Variants in PCDHGB1 observed in about 807,000 individuals in gnomAD.
PCDHGB1 encodes the protein protocadherin gamma-B1.
Under a neutral mutation model 56.6 loss-of-function variants are expected in PCDHGB1, and 34 were observed. That is an observed-to-expected ratio of 0.60 (90% CI 0.46 to 0.80). The LOEUF is 0.80. Ranked by LOEUF, PCDHGB1 falls within the 30% of genes least tolerant of loss-of-function variation. The pLI is 0.00. For missense variants in PCDHGB1, 1,278 were observed against 1,204.6 expected, an observed-to-expected ratio of 1.06 and a Z score of -0.90; for synonymous variants, 561 against 505.9, an observed-to-expected ratio of 1.11 and a Z score of -1.46.
chr5:141,383,537 C>G, intron 1 of PCDHGB1: 2 of 1,612,570 alleles, frequency 1.2e-6, no homozygotes, highest in Non-Finnish European at 1.7e-6. Context: ...CTGGTCCTCA[C>G]AGCCTCTGAT....
chr5:141,401,467 G>A (rs1248119954), intron 1 of PCDHGB1, among the ~76,000 whole-genome samples: 1 of 152,196 alleles, frequency 6.6e-6, no homozygotes, highest in Non-Finnish European at 1.5e-5. Context: ...AATTTTCTAA[G>A]TTTATCCAGG....
rs370704205 is a variant in PCDHGB1, at chr5:141,422,166, T to C, written c.2409+69497T>C. 4.5e-6 allele frequency: 7 copies of C among 1,569,374 alleles called. No individual in the cohort carries two copies. In the South Asian group the frequency reaches 8.5e-5, roughly 19 times the overall value. ...GGGGGTCTCTGGATTTTGAAAAATA[T>C]AGATTCTATGAGATGGAAATTCAAG... On this transcript the variant is annotated intron_variant, in intron 1 of 3. Coordinates refer to ENST00000523390, the MANE Select transcript of PCDHGB1 (RefSeq NM_018922.3).
rs1394490963 is a variant in PCDHGB1 at position 141,393,307 on chromosome 5, A to G, written c.2409+40638A>G. On this transcript the variant is annotated intron_variant, in intron 1 of 3. Coordinates refer to ENST00000523390, the MANE Select transcript of PCDHGB1 (RefSeq NM_018922.3). ...GCTGTTGACCCGGATGTGGGCGTGAACTCCCTCCAGAGCTACCAGCTCAGC... is the reference window on the plus strand; with the variant it reads ...GCTGTTGACCCGGATGTGGGCGTGAGCTCCCTCCAGAGCTACCAGCTCAGC... 4 of 1,613,476 alleles carry G rather than the reference A, an allele frequency of 2.5e-6. No homozygotes were observed. The highest frequency in any genetic ancestry group is 3.3e-5 in the Admixed American group (2 of 59,966).
chr5:141,454,740 G>GAGGCC (rs2098797560), intron 1 of PCDHGB1, among the ~76,000 whole-genome samples: 1 of 147,160 alleles, frequency 6.8e-6, no homozygotes, highest in Non-Finnish European at 1.5e-5. Flanking sequence ...AGGATGAAAA[G>GAGGCC]AGGCCAAACT....
chr5:141,484,549 G>A (rs939394402), intron 1 of PCDHGB1, among the ~76,000 whole-genome samples: 1 of 152,162 alleles, frequency 6.6e-6, no homozygotes, highest in African/African-American at 2.4e-5. Context: ...GTTCTAATTA[G>A]CAGTTGCTCC....
intron 1 of PCDHGB1, chr5:141,418,639 C>T (rs2096276711): frequency 6.2e-7 from 1 of 1,614,014 alleles, no homozygotes; most frequent in Non-Finnish European, 8.5e-7. Flanking sequence ...CAGGCACCTC[C>T]ATCCTGAGAG....
rs747077639 is a variant in PCDHGB1, at chr5:141,432,371, G to C, written c.2410-62436G>C. 2 of 1,614,234 alleles carry C rather than the reference G, an allele frequency of 1.2e-6. No individual in the cohort carries two copies. The highest frequency in any genetic ancestry group is 1.6e-4 in the Middle Eastern group (1 of 6,062). ...AGTGAAAGTGATGGCGCGGGACAAC[G>C]GGCACCCGCCCCTCAGCAGCAACGT... On this transcript the variant is annotated intron_variant, in intron 1 of 3. Transcript: ENST00000523390. The surrounding 1 kb of genome is among the most constrained non-coding windows in gnomAD (Gnocchi z 6.0).
At chr5:141,394,359 G>A in intron 1 of PCDHGB1, 3 of 1,614,204 alleles carry the variant, frequency 1.9e-6, no homozygotes, top group Non-Finnish European at 2.5e-6. Context: ...TGTCCTGTAT[G>A]CGCTGCAATC....
In PCDHGB1 at chr5:141,485,609, G is replaced by A. The variant is rs1432367043; in HGVS notation, c.2410-9198G>A. The A allele has an allele frequency of 6.2e-7, 1 of 1,612,252 alleles. No homozygotes were observed. Among genetic ancestry groups the A allele is most frequent in the Non-Finnish European group, 8.5e-7 (1 of 1,178,656 alleles). On this transcript the variant is annotated intron_variant, in intron 1 of 3. Transcript: ENST00000523390. This position sits in a 1 kb window ranked among gnomAD's most constrained non-coding sequence, Gnocchi z 5.7. ...GCTGGACTTGGAAATTGGGGAGGCA[G>A]CTCCTCCAGGACAGCGTTTCCCGTT...
In PCDHGB1 at chr5:141,427,784, G is replaced by A. The variant is rs750188824; in HGVS notation, c.2410-67023G>A. 6.8e-6 allele frequency: 10 copies of A among 1,470,180 alleles called. No homozygotes were observed. The Admixed American group carries it at 1.3e-4, about 20-fold the overall frequency. 91.1% of individuals were successfully genotyped at this position (1,470,180 alleles called of 1,614,324 possible). Reference sequence around the variant, plus strand: ...CTGACTTGGAGCTGCGGGCACTGTCGTCCTACGTGTCCGTGAGCGCACAGA... The same window carrying A: ...CTGACTTGGAGCTGCGGGCACTGTCATCCTACGTGTCCGTGAGCGCACAGA... On this transcript the variant is annotated intron_variant, in intron 1 of 3. Coordinates refer to ENST00000523390, the MANE Select transcript of PCDHGB1 (RefSeq NM_018922.3).
chr5:141,374,944 G>A (rs1405459227), intron 1 of PCDHGB1: 6 of 1,614,018 alleles, frequency 3.7e-6, no homozygotes, highest in Non-Finnish European at 5.1e-6. Context: ...TTACAGAAAA[G>A]ATCTCACAAA....
In PCDHGB1 at chr5:141,431,932, C is replaced by A; in HGVS notation, c.2410-62875C>A. 1 of 1,614,172 alleles carries A rather than the reference C, an allele frequency of 6.2e-7. No homozygotes were observed. Among genetic ancestry groups the A allele is most frequent in the Non-Finnish European group, 8.5e-7 (1 of 1,180,002 alleles). The stretch of plus-strand genomic sequence containing the variant: ...TCTGTTTCATCCAAGGAAATCTGCC[C>A]TTTAAATTAGAAAAATCTTACGGAA... On this transcript the variant is annotated intron_variant, in intron 1 of 3. Transcript: ENST00000523390. The surrounding 1 kb of genome is among the most constrained non-coding windows in gnomAD (Gnocchi z 4.8).
intron 1 of PCDHGB1, chr5:141,403,191 G>T (rs368387997): frequency 6.2e-7 from 1 of 1,613,994 alleles, no homozygotes; most frequent in Non-Finnish European, 8.5e-7. Flanking sequence ...CTGAACCCGC[G>T]CAGCGGCACC....
intron 1 of PCDHGB1, chr5:141,374,803 A>C (rs371815306): frequency 4.3e-6 from 7 of 1,613,866 alleles, no homozygotes; most frequent in African/African-American, 4.0e-5. Flanking sequence ...ACAACACTCC[A>C]ATGTTTACTC....
chr5:141,389,569 A>T, intron 1 of PCDHGB1: 2 of 1,613,182 alleles, frequency 1.2e-6, no homozygotes, highest in Non-Finnish European at 1.7e-6. Context: ...CGGGTGCTGT[A>T]CCCCGCGCTG....
At chr5:141,430,909 G>A (rs1054175762) in intron 1 of PCDHGB1, 2 of 1,607,160 alleles carry the variant, frequency 1.2e-6, no homozygotes, top group Non-Finnish European at 1.7e-6. Context: ...ACATCTCCAG[G>A]GACCTGGGGC....
At position 141,485,325 on chromosome 5, in the gene PCDHGB1, A is replaced by T; in HGVS notation, c.2410-9482A>T. 6.2e-7 allele frequency: 1 copy of T among 1,614,078 alleles called. No homozygotes were observed. Among genetic ancestry groups the T allele is most frequent in the Non-Finnish European group, 8.5e-7 (1 of 1,180,014 alleles). ...ACTTTTGTAGGGAATGTCGCTCAAG[A>T]TTTCCTGCTGGATACGGACAGTCTG... is the stretch of plus-strand genomic sequence containing the variant. On this transcript the variant is annotated intron_variant, in intron 1 of 3. Coordinates refer to ENST00000523390, the MANE Select transcript of PCDHGB1 (RefSeq NM_018922.3). This position sits in a 1 kb window ranked among gnomAD's most constrained non-coding sequence, Gnocchi z 5.7.
At chr5:141,469,044 A>C (rs1247890388) in intron 1 of PCDHGB1, among the ~76,000 whole-genome samples, 1 of 152,128 alleles carries the variant, frequency 6.6e-6, no homozygotes, top group East Asian at 1.9e-4. Context: ...TGGGAGGCCA[A>C]GGTGGGAGGA....
intron 1 of PCDHGB1, among the ~76,000 whole-genome samples, chr5:141,445,668 G>C (rs899062385): frequency 6.6e-6 from 1 of 152,156 alleles, no homozygotes; most frequent in Non-Finnish European, 1.5e-5. Flanking sequence ...ATGAGTAGAA[G>C]TTATCTAGGT....
Sources: allele counts gnomAD v4.1 joint callset (sites outside exome capture counted in the v4.1 genomes callset), GRCh38; gene constraint gnomAD v4.1.1; non-coding constraint Gnocchi (gnomAD v3.1); transcripts MANE v1.5; gene names NCBI Gene and HGNC (gene_info 2026-07-23, HGNC 2026-07-21).